The following RIGI variants were observed in gnomAD, a reference collection of about 807,000 sequenced individuals.
RIGI encodes RNA sensor RIG-I, also known as antiviral innate immune response receptor RIG-I.
the RIGI span, chr9:32,488,964 C>T: frequency 7.9e-7 from 1 of 1,265,126 alleles, no homozygotes; most frequent in Non-Finnish European, 1.1e-6. Context: ...TTATTTTTGG[C>T]TCTTCTAATA....
At chr9:32,504,067 A>ACACACACACACACACACC in the RIGI span, among the ~76,000 whole-genome samples, 26 of 151,432 alleles carry the variant, frequency 1.7e-4, no homozygotes, top group Admixed American at 1.1e-3. Context: ...ACACACACAC[A>ACACACACACACACACACC]CCCAGGTCTG....
the RIGI span, among the ~76,000 whole-genome samples, chr9:32,510,903 C>T: frequency 1.4e-5 from 2 of 146,872 alleles, no homozygotes; most frequent in Admixed American, 6.8e-5. Flanking sequence ...ATTTACCAAG[C>T]AAATGGAAAG....
At chr9:32,476,248 A>G in the RIGI span, among the ~76,000 whole-genome samples, 1 of 152,188 alleles carries the variant, frequency 6.6e-6, no homozygotes, top group Admixed American at 6.5e-5. Flanking sequence ...CAGGTTCCAA[A>G]ACTTTGAGAG....
the RIGI span, chr9:32,489,275 C>T: frequency 9.2e-7 from 1 of 1,090,964 alleles, no homozygotes. Context: ...CCATTCTGTC[C>T]CAGTATTCAA....
chr9:32,512,826 A>T, the RIGI span, among the ~76,000 whole-genome samples: 1 of 152,042 alleles, frequency 6.6e-6, no homozygotes, highest in African/African-American at 2.4e-5. Flanking sequence ...AAACCCCATC[A>T]TCTCAGCCCA....
At chr9:32,505,828 T>C in the RIGI span, among the ~76,000 whole-genome samples, 550 of 152,320 alleles carry the variant, frequency 3.6e-3, no homozygotes, top group African/African-American at 8.3e-3. Flanking sequence ...TAAAATGCGT[T>C]TAGTACACAC....
chr9:32,496,850 G>A, the RIGI span, among the ~76,000 whole-genome samples: 1 of 152,124 alleles, frequency 6.6e-6, no homozygotes, highest in African/African-American at 2.4e-5. Flanking sequence ...CCCATTGAGT[G>A]GTCTTGGTAT....
chr9:32,525,990 A>G, the RIGI span: 1 of 1,189,288 alleles, frequency 8.4e-7, no homozygotes, highest in Non-Finnish European at 1.3e-6. Flanking sequence ...GATTAAAAGA[A>G]GGGAACGAAG....
chr9:32,462,431 C>T, the RIGI span, among the ~76,000 whole-genome samples: 2 of 89,398 alleles, frequency 2.2e-5, no homozygotes, highest in East Asian at 7.3e-4. Flanking sequence ...TTTTTTGAGA[C>T]AGAGTCTCAT....
chr9:32,489,409 T>C, the RIGI span: 2,185 of 1,613,570 alleles, frequency 1.4e-3, 12 homozygotes, highest in African/African-American at 0.021. Flanking sequence ...TAATTGGTAA[T>C]TTCTTGGTTT....
the RIGI span, among the ~76,000 whole-genome samples, chr9:32,489,679 A>T: frequency 6.6e-6 from 1 of 152,120 alleles, no homozygotes; most frequent in Non-Finnish European, 1.5e-5. Context: ...AAAAAACATG[A>T]ATTATTTTTT....
chr9:32,456,727 C>T, the RIGI span: 1 of 161,738 alleles, frequency 6.2e-6, no homozygotes, highest in South Asian at 1.7e-4. Context: ...TTCAAAAGAA[C>T]AATTTCAGTA....
At chr9:32,467,574 A>C in the RIGI span, among the ~76,000 whole-genome samples, 1 of 152,224 alleles carries the variant, frequency 6.6e-6, no homozygotes. Flanking sequence ...CATTGTAAGA[A>C]TCAAAGTAGA....
At chr9:32,504,430 C>T in the RIGI span, among the ~76,000 whole-genome samples, 12 of 152,114 alleles carry the variant, frequency 7.9e-5, no homozygotes, top group African/African-American at 2.9e-4. Context: ...GTAATCCCAG[C>T]ACTTTGGGAG....
the RIGI span, among the ~76,000 whole-genome samples, chr9:32,517,536 T>A: frequency 6.6e-6 from 1 of 152,240 alleles, no homozygotes; most frequent in African/African-American, 2.4e-5. Flanking sequence ...GTCTTTAAAA[T>A]TATTGGTAAA....
At chr9:32,504,491 A>G in the RIGI span, among the ~76,000 whole-genome samples, 1 of 151,956 alleles carries the variant, frequency 6.6e-6, no homozygotes, top group South Asian at 2.1e-4. Flanking sequence ...TAGCCTGGCC[A>G]ACATGGTGAA....
chr9:32,466,298 T>A, the RIGI span: 1 of 1,613,624 alleles, frequency 6.2e-7, no homozygotes, highest in Non-Finnish European at 8.5e-7. Context: ...ACCTTTTCCC[T>A]AAATACTGCT....
chr9:32,500,742 T>C, the RIGI span: 2 of 1,562,372 alleles, frequency 1.3e-6, no homozygotes, highest in Admixed American at 2.0e-5. Context: ...CTTTTCACTT[T>C]TACAGTATTG....
the RIGI span, chr9:32,487,424 G>C: frequency 6.3e-7 from 1 of 1,583,666 alleles, no homozygotes; most frequent in Non-Finnish European, 8.7e-7. Flanking sequence ...ACTAGAGGTA[G>C]TAGAGAGTAA....
Sources: allele counts gnomAD v4.1 joint callset (sites outside exome capture counted in the v4.1 genomes callset), GRCh38; gene constraint gnomAD v4.1.1; transcripts MANE v1.5; gene names NCBI Gene and HGNC (gene_info 2026-07-23, HGNC 2026-07-21).